Variants in TFDP1 observed in about 807,000 individuals in gnomAD.
TFDP1 encodes the protein DRTF1-polypeptide 1.
TFDP1 carries 6 observed loss-of-function variants against 48.0 expected under a neutral mutation model. The ratio of observed to expected loss-of-function variants is 0.13; its 90% CI spans 0.07 to 0.25. The LOEUF (loss-of-function observed/expected upper bound fraction) is 0.25, where lower values mean the gene tolerates loss of function less well. Ranked by LOEUF, TFDP1 falls within the 10% of genes least tolerant of loss-of-function variation. The pLI is 1.00. For missense variants in TFDP1, 335 were observed against 543.0 expected (o/e 0.62, Z 3.81); for synonymous variants, 201 against 211.6 (o/e 0.95, Z 0.44).
At chr13:113,610,251 G>A (rs576216985) in intron 2 of TFDP1, among the ~76,000 whole-genome samples, 4 of 150,798 alleles carry the variant, frequency 2.7e-5, no homozygotes, top group Non-Finnish European at 5.9e-5. Context: ...ATGTGCCTCT[G>A]CCATGTGGCT....
At chr13:113,618,827 G>C (rs1421284615) in intron 3 of TFDP1, among the ~76,000 whole-genome samples, 1 of 152,250 alleles carries the variant, frequency 6.6e-6, no homozygotes, top group Non-Finnish European at 1.5e-5. Flanking sequence ...CAGCCTGACG[G>C]CTCTATGTAT....
chr13:113,601,358 C>CGCTCCTTGTGGGCTGCTGGTGGGATCCT (rs1260647003), intron 2 of TFDP1, among the ~76,000 whole-genome samples: 4 of 152,262 alleles, frequency 2.6e-5, no homozygotes, highest in East Asian at 1.9e-4. Context: ...GGTGGGATCC[C>CGCTCCTTGTGGGCTGCTGGTGGGATCCT]GCTCCTTGTG....
At chr13:113,588,948 G>C (rs1397407053) in intron 2 of TFDP1, among the ~76,000 whole-genome samples, 1 of 151,736 alleles carries the variant, frequency 6.6e-6, no homozygotes, top group African/African-American at 2.4e-5. Context: ...TGTGGGTGGA[G>C]AGTGAGTGAT....
In TFDP1 at chr13:113,625,440, CATGTCCTCAG is replaced by C. The variant is rs1356910271; in HGVS notation, c.186+2155_186+2164del. On this transcript the variant is annotated intron_variant, in intron 4 of 11. Transcript: ENST00000375370. ...CTCACGTGTCCTCAGGTGTCTCTCA[CATGTCCTCAG>C]GTGTCTCTCACGTGTCCTCAGGTGT... 4.6e-3 allele frequency among the ~76,000 whole-genome samples: 547 copies of C among 117,944 alleles called. 29 individuals are homozygous for C. The highest frequency in any genetic ancestry group is 6.3e-3 in the African/African-American group (171 of 26,932). The allele number at this position is 117,944 out of a possible 152,430, so 77.4% of individuals were successfully genotyped here. A position where few individuals can be genotyped will look rare whatever the true frequency, so the allele number is the denominator to read the frequency against.
At chr13:113,624,643 G>GTGTCTCAGGGTA (rs2049081381) in intron 4 of TFDP1, among the ~76,000 whole-genome samples, 1 of 98,186 alleles carries the variant, frequency 1.0e-5, no homozygotes, top group Non-Finnish European at 1.9e-5. Context: ...CTCTCAGGGT[G>GTGTCTCAGGGTA]TCTCTCACAT....
At chr13:113,613,797 T>C (rs2048778154) in intron 3 of TFDP1, among the ~76,000 whole-genome samples, 1 of 151,078 alleles carries the variant, frequency 6.6e-6, no homozygotes, top group South Asian at 2.1e-4. Flanking sequence ...GCATTGTGCG[T>C]GTGGAGTGTC....
intron 3 of TFDP1, among the ~76,000 whole-genome samples, chr13:113,611,293 A>G (rs2048702953): frequency 6.6e-6 from 1 of 152,200 alleles, no homozygotes; most frequent in East Asian, 1.9e-4. Context: ...TATGTATACT[A>G]TTTGCAAAAG....
At position 113,607,689 on chromosome 13, in the gene TFDP1, C is replaced by G. The variant is rs536314281; in HGVS notation, c.13-3307C>G. On this transcript the variant is annotated intron_variant, in intron 2 of 11. Transcript: ENST00000375370. This position sits in a 1 kb window ranked among gnomAD's most constrained non-coding sequence, Gnocchi z 5.2. Reference sequence around the variant, plus strand: ...GGCCGCCCGGGTCCACAACCTGGCCCGTTAACTCCCTGGGCAGCTGCTGGG... The same window carrying G: ...GGCCGCCCGGGTCCACAACCTGGCCGGTTAACTCCCTGGGCAGCTGCTGGG... Among the ~76,000 whole-genome samples, 1 of 152,200 alleles carries G rather than the reference C, an allele frequency of 6.6e-6. No homozygotes were observed. Among genetic ancestry groups the G allele is most frequent in the Non-Finnish European group, 1.5e-5 (1 of 68,038 alleles).
At chr13:113,637,961 G>T in intron 11 of TFDP1, 65 bp downstream of exon 11, 1 of 1,579,934 alleles carries the variant, frequency 6.3e-7, no homozygotes, top group Non-Finnish European at 8.6e-7. Flanking sequence ...AGGGGCCAAG[G>T]CAGGGCAGCC....
Position 113,585,821 on chromosome 13 carries a change from T to TTA in TFDP1, c.-16_-15insAT. 6.3e-7 allele frequency: 1 copy of TTA among 1,596,604 alleles called. No homozygotes were observed. Among genetic ancestry groups the TTA allele is most frequent in the Non-Finnish European group, 8.6e-7 (1 of 1,166,100 alleles). On this transcript the variant is annotated 5_prime_UTR_variant, in exon 2 of 12. Coordinates refer to ENST00000375370, the MANE Select transcript of TFDP1 (RefSeq NM_007111.5). Reference sequence around the variant, plus strand: ...GAAGGTGAACATTTGTAGCATTGATTTCCCGGATCTGGTAACATGGCAAAA... The same window carrying TTA: ...GAAGGTGAACATTTGTAGCATTGATTTATCCCGGATCTGGTAACATGGCAAAA...
At chr13:113,591,901 G>A (rs1217134577) in intron 2 of TFDP1, among the ~76,000 whole-genome samples, 1 of 152,186 alleles carries the variant, frequency 6.6e-6, no homozygotes, top group Non-Finnish European at 1.5e-5. Context: ...TCGGGTACTG[G>A]CCATGCACTG....
chr13:113,605,240 G>A lies in TFDP1; in HGVS notation c.13-5756G>A, dbSNP rs186818436. On this transcript the variant is annotated intron_variant, in intron 2 of 11. Transcript: ENST00000375370. ...GAGTGAGTGTGGCTTTGAAAGGCTG[G>A]TGTTGAGTGGGATCTCGTTTTTCAG... 2.7e-4 allele frequency among the ~76,000 whole-genome samples: 41 copies of A among 152,248 alleles called. No homozygotes were observed. In the East Asian group the frequency reaches 7.7e-3, roughly 29 times the overall value.
At chr13:113,631,310 G>A (rs948778666) in intron 4 of TFDP1, among the ~76,000 whole-genome samples, 1 of 152,188 alleles carries the variant, frequency 6.6e-6, no homozygotes, top group South Asian at 2.1e-4. Flanking sequence ...CCTTGTGTGC[G>A]GTTTGGGGGT....
Position 113,623,409 on chromosome 13 carries a change from T to C in TFDP1, c.186+123T>C. On this transcript the variant is annotated intron_variant, in intron 4 of 11. Transcript: ENST00000375370. This position sits in a 1 kb window ranked among gnomAD's most constrained non-coding sequence, Gnocchi z 5.2. ...GGGCTCCAGTTGCAGCATGGGGCCT[T>C]TCCCTCATCAGGGAGCCCGTGGCCA... 3 of 879,146 alleles carry C rather than the reference T, an allele frequency of 3.4e-6. No homozygotes were observed. In the Admixed American group the frequency reaches 7.0e-5, roughly 21 times the overall value. The allele number at this position is 879,146 out of a possible 1,614,324, so 54.5% of individuals were successfully genotyped here.
intron 10 of TFDP1, chr13:113,637,148 A>G (rs763094191): frequency 3.4e-5 from 6 of 178,128 alleles, no homozygotes; most frequent in Non-Finnish European, 7.1e-5. Flanking sequence ...CCGGGAGCAC[A>G]GGAGCTTTTG....
At chr13:113,608,948 G>A (rs1479811815) in intron 2 of TFDP1, among the ~76,000 whole-genome samples, 1 of 152,208 alleles carries the variant, frequency 6.6e-6, no homozygotes, top group Non-Finnish European at 1.5e-5. Flanking sequence ...CTGGATGGTA[G>A]TGCCCTCATG....
chr13:113,636,807 C>T, intron 10 of TFDP1, 107 bp downstream of exon 10: 1 of 1,337,860 alleles, frequency 7.5e-7, no homozygotes, highest in Non-Finnish European at 1.0e-6. Context: ...AGATCAGGCC[C>T]ACGTGTGTAG....
At chr13:113,602,123 C>G (rs929516017) in intron 2 of TFDP1, among the ~76,000 whole-genome samples, 33 of 145,386 alleles carry the variant, frequency 2.3e-4, no homozygotes, top group African/African-American at 8.3e-4. Context: ...GAGGAGTGGA[C>G]AGAGTTACCC....
At chr13:113,632,708 G>A (rs756411617) in intron 5 of TFDP1, among the ~76,000 whole-genome samples, 3 of 152,226 alleles carry the variant, frequency 2.0e-5, no homozygotes, top group Non-Finnish European at 2.9e-5. Flanking sequence ...AACCCAGGAG[G>A]TGGAGGTTGC....
Sources: allele counts gnomAD v4.1 joint callset (sites outside exome capture counted in the v4.1 genomes callset), GRCh38; gene constraint gnomAD v4.1.1; non-coding constraint Gnocchi (gnomAD v3.1); transcripts MANE v1.5; gene names NCBI Gene and HGNC (gene_info 2026-07-23, HGNC 2026-07-21).